The following UPF2 variants were observed in gnomAD, a reference collection of about 807,000 sequenced individuals.
UPF2 encodes the protein UPF2 regulator of nonsense mediated mRNA decay.
Under a neutral mutation model 141.4 loss-of-function variants are expected in UPF2, and 17 were observed. That is an observed-to-expected ratio of 0.12 (90% CI 0.08 to 0.18). UPF2 has a LOEUF of 0.18. Ranked by LOEUF, UPF2 falls within the 10% of genes least tolerant of loss-of-function variation. The probability of loss-of-function intolerance (pLI) is 1.00; values close to 1 mark genes in which losing one functional copy is unlikely to be tolerated. For synonymous variants in UPF2, 540 were observed against 498.0 expected, an observed-to-expected ratio of 1.08 and a Z score of -1.12; for missense variants, 1,152 against 1,515.9, an observed-to-expected ratio of 0.76 and a Z score of 3.99.
chr10:11,943,066 T>C lies in UPF2; in HGVS notation c.3277A>G (p.Thr1093Ala), dbSNP rs1287937561. Residue 1093 changes from threonine to alanine, a missense_variant and splice_region_variant, in exon 17 of 22, where the codon ACT (threonine) becomes GCT (alanine). Thr to Ala is a moderately conservative substitution (Grantham distance 58). Coordinates refer to ENST00000357604, the MANE Select transcript of UPF2 (RefSeq NM_015542.4). ...NKENETDEEN[T>A]EVMIKGGGLK... ...GTAAATTTTTCAGCCATACGTACAG[T>C]ATTCTCTTCATCGGTTTCATTTTCC... The C allele has an allele frequency of 1.2e-6, 2 of 1,606,464 alleles. No individual in the cohort carries two copies. The highest frequency in any genetic ancestry group is 1.3e-5 in the African/African-American group (1 of 74,754).
chr10:12,021,219 G>A (rs1279353113), intron 3 of UPF2, among the ~76,000 whole-genome samples: 1 of 152,004 alleles, frequency 6.6e-6, no homozygotes, highest in Non-Finnish European at 1.5e-5. Flanking sequence ...TATAATATAG[G>A]TACTGTTAGG....
Position 11,943,126 on chromosome 10 carries a change from C to G in UPF2, c.3217G>C (p.Glu1073Gln). Residue 1073 changes from glutamate to glutamine, a missense_variant, in exon 17 of 22, where the codon GAA (glutamate) becomes CAA (glutamine). Around this residue, in one of 4 missense-constraint regions of UPF2, gnomAD observed 202 missense variants for 223.6 expected, o/e 0.90. Transcript: ENST00000357604. ...TCTGTAAGGTAATCTGTATTCTCTT[C>G]CTCCTCTTCTTCTCCCTCATCATCA... ...NDDDEGEEEE[E>Q]ENTDYLTDSN... 1 of 1,611,982 alleles carries G rather than the reference C, an allele frequency of 6.2e-7. No homozygotes were observed. Among genetic ancestry groups the G allele is most frequent in the African/African-American group, 1.3e-5 (1 of 75,022 alleles).
At chr10:12,034,260 G>T (rs1166720004) in intron 2 of UPF2, among the ~76,000 whole-genome samples, 1 of 152,024 alleles carries the variant, frequency 6.6e-6, no homozygotes, top group Non-Finnish European at 1.5e-5. Context: ...CCAACTGAAG[G>T]TTTTCAATTT....
intron 12 of UPF2, among the ~76,000 whole-genome samples, chr10:11,957,995 T>C (rs538281186): frequency 6.6e-5 from 10 of 152,296 alleles, no homozygotes; most frequent in African/African-American, 1.9e-4. Flanking sequence ...TCCTAGTTTA[T>C]GGTAAAGACT....
At chr10:11,945,263 G>T (rs190647297) in intron 16 of UPF2, among the ~76,000 whole-genome samples, 79 of 152,280 alleles carry the variant, frequency 5.2e-4, no homozygotes, top group Non-Finnish European at 8.4e-4. Flanking sequence ...ATGTCAAATA[G>T]AACTTTAAAC....
chr10:12,009,059 T>TGTAGAAA (rs1407705831), intron 4 of UPF2, among the ~76,000 whole-genome samples: 1 of 152,206 alleles, frequency 6.6e-6, no homozygotes, highest in Non-Finnish European at 1.5e-5. Flanking sequence ...CCATGGTGTA[T>TGTAGAAA]ATGTACCACA....
At chr10:11,928,203 G>A (rs1261751191) in intron 21 of UPF2, among the ~76,000 whole-genome samples, 1 of 152,098 alleles carries the variant, frequency 6.6e-6, no homozygotes, top group African/African-American at 2.4e-5. Context: ...AGGCGTGCTG[G>A]GTGGGCACCT....
At chr10:11,925,725 AG>A (rs1374355436) in intron 21 of UPF2, among the ~76,000 whole-genome samples, 2 of 152,252 alleles carry the variant, frequency 1.3e-5, no homozygotes, top group African/African-American at 4.8e-5. Context: ...GGAGTTCTCC[AG>A]GGGAACAGCT....
intron 16 of UPF2, among the ~76,000 whole-genome samples, chr10:11,944,758 A>C (rs1289434323): frequency 1.3e-5 from 2 of 152,206 alleles, no homozygotes; most frequent in African/African-American, 4.8e-5. Context: ...TTTCAAATTA[A>C]GATTTTGAAC....
At chr10:12,034,200 C>T (rs1483957217) in intron 2 of UPF2, among the ~76,000 whole-genome samples, 6 of 152,128 alleles carry the variant, frequency 3.9e-5, no homozygotes, top group Admixed American at 2.6e-4. Context: ...AGGATAGATG[C>T]TAATATATTC....
intron 8 of UPF2, among the ~76,000 whole-genome samples, chr10:11,981,860 A>T (rs1160053839): frequency 6.6e-6 from 1 of 152,116 alleles, no homozygotes; most frequent in Non-Finnish European, 1.5e-5. Context: ...TAATTTTTGT[A>T]TTTTTAGCAG....
intron 20 of UPF2, 94 bp from the exon 21 acceptor site, chr10:11,930,079 TA>T: frequency 6.4e-7 from 1 of 1,560,778 alleles, no homozygotes; most frequent in East Asian, 2.3e-5. Context: ...TTAAGTTTAT[TA>T]GTCCTGTCAG....
intron 10 of UPF2, 147 bp from the exon 11 acceptor site, chr10:11,964,272 G>A (rs180847595): frequency 6.3e-5 from 29 of 460,422 alleles, no homozygotes; most frequent in Non-Finnish European, 9.0e-5. Flanking sequence ...AGCATCTTTT[G>A]TGTTCTGCCA....
chr10:12,005,983 A>G (rs1263526696), intron 4 of UPF2, among the ~76,000 whole-genome samples: 1 of 152,068 alleles, frequency 6.6e-6, no homozygotes, highest in Non-Finnish European at 1.5e-5. Context: ...GGGCTCATGC[A>G]ATCCTCCTGC....
rs1832856723 is a variant in UPF2, at chr10:11,936,762, T to C, written c.3379-50A>G. The C allele has an allele frequency of 6.7e-7, 1 of 1,483,830 alleles. No homozygotes were observed. The highest frequency in any genetic ancestry group is 1.4e-5 in the African/African-American group (1 of 70,582). The allele number at this position is 1,483,830 out of a possible 1,614,324, so 91.9% of individuals were successfully genotyped here. On this transcript the variant is annotated intron_variant, in intron 18 of 21. Coordinates refer to ENST00000357604, the MANE Select transcript of UPF2 (RefSeq NM_015542.4). The surrounding 1 kb of genome is among the most constrained non-coding windows in gnomAD (Gnocchi z 6.6). ...ATAAACACTCCAAGATATATACGGA[T>C]ATATGTCAATATAAATTGCAAACTC...
At chr10:11,996,215 T>C (rs1833861919) in intron 8 of UPF2, among the ~76,000 whole-genome samples, 1 of 152,188 alleles carries the variant, frequency 6.6e-6, no homozygotes, top group African/African-American at 2.4e-5. Context: ...CAATCTTTCC[T>C]GATTATCAGG....
chr10:11,967,547 T>G (rs1833340514), intron 9 of UPF2, 93 bp from the exon 10 acceptor site: 1 of 161,560 alleles, frequency 6.2e-6, no homozygotes, highest in African/African-American at 5.4e-5. Flanking sequence ...TTCACTCCAG[T>G]TTTTTTTTTT....
chr10:11,959,025 A>G lies in UPF2; in HGVS notation c.2370+146T>C, dbSNP rs1258623148. On this transcript the variant is annotated intron_variant, in intron 12 of 21. Coordinates refer to ENST00000357604, the MANE Select transcript of UPF2 (RefSeq NM_015542.4). This position sits in a 1 kb window ranked among gnomAD's most constrained non-coding sequence, Gnocchi z 5.9. The stretch of plus-strand genomic sequence containing the variant: ...TATGTCCCAAATATTATATATCATC[A>G]TAAGAATTCCTTCTTAGGGTGACTT... 8 of 600,870 alleles carry G rather than the reference A, an allele frequency of 1.3e-5. No homozygotes were observed. The highest frequency in any genetic ancestry group is 4.1e-5 in the Admixed American group (1 of 24,550). The allele number at this position is 600,870 out of a possible 1,614,324, so 37.2% of individuals were successfully genotyped here. A position where few individuals can be genotyped will look rare whatever the true frequency, so the allele number is the denominator to read the frequency against.
chr10:11,940,532 T>C lies in UPF2; in HGVS notation c.3378+2133A>G, dbSNP rs1832923938. Among the ~76,000 whole-genome samples, 1 of 149,318 alleles carries C rather than the reference T, an allele frequency of 6.7e-6. No individual in the cohort carries two copies. On this transcript the variant is annotated intron_variant, in intron 18 of 21. Coordinates refer to ENST00000357604, the MANE Select transcript of UPF2 (RefSeq NM_015542.4). This position sits in a 1 kb window ranked among gnomAD's most constrained non-coding sequence, Gnocchi z 4.2. ...CAAGTGGACACGGCCAAAGGGAAAC[T>C]TTTGCTCATTGGTCCCTTGTTTCCT...
Sources: gnomAD v4.1 joint callset for allele counts (sites outside exome capture counted in the v4.1 genomes callset) on GRCh38, gnomAD v4.1.1 for gene constraint, gnomAD v4.1.1 regional missense constraint, Gnocchi (gnomAD v3.1) non-coding constraint, MANE v1.5 for transcripts, NCBI Gene and HGNC (gene_info 2026-07-23, HGNC 2026-07-21) for gene names.